Variants in DYM observed in about 807,000 individuals in gnomAD.
DYM encodes the protein dyggve-Melchior-Clausen syndrome protein.
A neutral mutation model predicts 93.1 loss-of-function variants in DYM; 78 were observed. The observed-to-expected ratio is 0.84, with a 90% CI of 0.70 to 1.01. The LOEUF (loss-of-function observed/expected upper bound fraction) is 1.01. Ranked by LOEUF, DYM falls within the 50% of genes least tolerant of loss-of-function variation. DYM has a pLI of 0.00. For synonymous variants in DYM, 321 were observed against 319.7 expected, an observed-to-expected ratio of 1.00 and a Z score of -0.04; for missense variants, 789 against 845.0, an observed-to-expected ratio of 0.93 and a Z score of 0.82.
chr18:49,133,461 C>T (rs998521995), intron 15 of DYM, among the ~76,000 whole-genome samples: 8 of 152,160 alleles, frequency 5.3e-5, no homozygotes, highest in East Asian at 1.9e-4. Context: ...TTGGTTCCTC[C>T]GCATCTAATG....
At position 49,046,827 on chromosome 18, in the gene DYM, G is replaced by A. The variant is rs2071655754; in HGVS notation, c.2026-2623C>T. Among the ~76,000 whole-genome samples, 4 of 152,152 alleles carry A rather than the reference G, an allele frequency of 2.6e-5. No homozygotes were observed. In the South Asian group the frequency reaches 6.2e-4, roughly 24 times the overall value. On this transcript the variant is annotated intron_variant, in intron 17 of 17. Coordinates refer to ENST00000675505, the MANE Select transcript of DYM (RefSeq NM_001353214.3). ...GAGGATTGCTTGAGCCCAGGAGTTC[G>A]AGGCTTCAGTGAGCTAGAATCATGC...
chr18:49,280,453 G>A (rs1299210117), intron 10 of DYM, among the ~76,000 whole-genome samples: 1 of 152,174 alleles, frequency 6.6e-6, no homozygotes, highest in Non-Finnish European at 1.5e-5. Flanking sequence ...TTCTGCAACT[G>A]TGACGAGTAA....
rs571418033 is a variant in DYM, at chr18:49,286,490, G to T, written c.890C>A (p.Ala297Asp). ...TCTGTAGGGGTTTGGCGCATCTGAG[G>T]CATCTGTCAGATTGGCCAACACCAG... ...LLLVLANLTD[A>D]SDAPNPYRQA... Residue 297 changes from alanine (A) to aspartate (D), a missense_variant, in exon 9 of 18, where the codon GCC (alanine) becomes GAC (aspartate). Around this residue, in one of 3 missense-constraint regions of DYM, gnomAD observed 450 missense variants for 436.2 expected, o/e 1.03. Coordinates refer to ENST00000675505, the MANE Select transcript of DYM (RefSeq NM_001353214.3). 3 of 1,614,166 alleles carry T rather than the reference G, an allele frequency of 1.9e-6. No individual in the cohort carries two copies. The South Asian group carries it at 3.3e-5, about 18-fold the overall frequency.
At chr18:49,357,929 T>C (rs2065707973) in intron 6 of DYM, among the ~76,000 whole-genome samples, 1 of 152,146 alleles carries the variant, frequency 6.6e-6, no homozygotes, top group African/African-American at 2.4e-5. Flanking sequence ...GCAGGAGGGT[T>C]GCTTGAGCCC....
At chr18:49,347,480 G>A (rs916269460) in intron 6 of DYM, among the ~76,000 whole-genome samples, 1 of 152,148 alleles carries the variant, frequency 6.6e-6, no homozygotes, top group Admixed American at 6.5e-5. Context: ...ATCACAAGCA[G>A]TATATGCTGC....
chr18:49,163,645 A>C (rs2145073249), intron 15 of DYM, 40 bp downstream of exon 15: 4 of 1,461,290 alleles, frequency 2.7e-6, no homozygotes, highest in Non-Finnish European at 2.8e-6. Flanking sequence ...TGCCTGGCTG[A>C]AAGGAAAATT....
chr18:49,427,068 G>C (rs539818591), intron 2 of DYM, among the ~76,000 whole-genome samples: 19 of 152,170 alleles, frequency 1.2e-4, no homozygotes, highest in Middle Eastern at 3.4e-3. Flanking sequence ...TTATAAAACA[G>C]GTGATTCAGG....
intron 8 of DYM, among the ~76,000 whole-genome samples, chr18:49,320,761 C>A (rs1338797844): frequency 6.6e-6 from 1 of 152,114 alleles, no homozygotes; most frequent in Non-Finnish European, 1.5e-5. Flanking sequence ...GTGTGAGCCA[C>A]CGTGGCTGGC....
At chr18:49,114,476 TA>T (rs2081741011) in intron 16 of DYM, 1 of 867,560 alleles carries the variant, frequency 1.2e-6, no homozygotes, top group African/African-American at 1.8e-5. Context: ...ATCCTGCTTT[TA>T]CTTCTATATG....
At chr18:49,309,249 G>C (rs149171247) in intron 8 of DYM, among the ~76,000 whole-genome samples, 1 of 152,180 alleles carries the variant, frequency 6.6e-6, no homozygotes, top group Non-Finnish European at 1.5e-5. Flanking sequence ...TAAGTAGAAG[G>C]CTGCAGATTT....
At chr18:49,163,196 C>T (rs2087403296) in intron 15 of DYM, among the ~76,000 whole-genome samples, 1 of 152,126 alleles carries the variant, frequency 6.6e-6, no homozygotes, top group Non-Finnish European at 1.5e-5. Context: ...CACTTGTTAA[C>T]AATCATTTAC....
At chr18:49,222,549 A>G (rs2093401031) in intron 13 of DYM, among the ~76,000 whole-genome samples, 1 of 152,190 alleles carries the variant, frequency 6.6e-6, no homozygotes, top group Admixed American at 6.6e-5. Flanking sequence ...CCAATGGCCA[A>G]AAATGAAACA....
rs2070965044 is a variant in DYM at position 49,042,066 on chromosome 18, C to G, written c.*1989G>C. 6.6e-6 allele frequency: 1 copy of G among 152,410 alleles called. No homozygotes were observed. Among genetic ancestry groups the G allele is most frequent in the Non-Finnish European group, 1.5e-5 (1 of 68,050 alleles). The allele number at this position is 152,410 out of a possible 1,614,324, so 9.4% of individuals were successfully genotyped here. ...AAATTATTTCCCCACATAGTAAATACATATCCTTGCTACCTGAAATGATAA... is the reference window on the plus strand; with the variant it reads ...AAATTATTTCCCCACATAGTAAATAGATATCCTTGCTACCTGAAATGATAA... On this transcript the variant is annotated 3_prime_UTR_variant, in exon 18 of 18. Transcript: ENST00000675505.
chr18:49,189,783 G>T (rs1355065590), intron 14 of DYM, among the ~76,000 whole-genome samples: 1 of 152,152 alleles, frequency 6.6e-6, no homozygotes, highest in Non-Finnish European at 1.5e-5. Flanking sequence ...AAACTAGATG[G>T]TGAGGGTGAA....
intron 8 of DYM, among the ~76,000 whole-genome samples, chr18:49,288,338 A>G (rs974038679): frequency 3.3e-5 from 5 of 152,256 alleles, no homozygotes; most frequent in Admixed American, 1.3e-4. Flanking sequence ...CAATCAAAAT[A>G]GCAACAAATC....
chr18:49,377,673 A>G (rs1278404354), intron 5 of DYM, among the ~76,000 whole-genome samples: 1 of 152,244 alleles, frequency 6.6e-6, no homozygotes, highest in East Asian at 1.9e-4. Context: ...GACCTGGATG[A>G]ACAGTAACTC....
At chr18:49,147,547 C>G (rs1280001376) in intron 15 of DYM, among the ~76,000 whole-genome samples, 2 of 152,156 alleles carry the variant, frequency 1.3e-5, no homozygotes, top group African/African-American at 4.8e-5. Context: ...TGAACAGACA[C>G]TTCTCAAAAG....
chr18:49,050,281 G>T (rs777496181), intron 17 of DYM, among the ~76,000 whole-genome samples: 3 of 151,482 alleles, frequency 2.0e-5, no homozygotes, highest in Non-Finnish European at 4.4e-5. Context: ...AGTAGAGACG[G>T]GGTTTCTCCA....
intron 15 of DYM, among the ~76,000 whole-genome samples, chr18:49,138,529 G>T (rs1482623594): frequency 6.6e-6 from 1 of 152,144 alleles, no homozygotes; most frequent in African/African-American, 2.4e-5. Context: ...TGGTAGGTTT[G>T]GTTCAATGTA....
Sources: gnomAD v4.1 joint callset for allele counts (sites outside exome capture counted in the v4.1 genomes callset) on GRCh38, gnomAD v4.1.1 for gene constraint, gnomAD v4.1.1 regional missense constraint, MANE v1.5 for transcripts, NCBI Gene and HGNC (gene_info 2026-07-23, HGNC 2026-07-21) for gene names.